The following ARAP2 variants were observed in gnomAD, a reference collection of about 807,000 sequenced individuals.
ARAP2 encodes the protein ArfGAP with RhoGAP domain, ankyrin repeat and PH domain 2.
Under a neutral mutation model 194.5 loss-of-function variants are expected in ARAP2, and 148 were observed. The observed-to-expected ratio is 0.76, with a 90% CI of 0.67 to 0.87. The LOEUF is 0.87. ARAP2 is among the 40% of genes least tolerant of loss of function. The probability of loss-of-function intolerance (pLI) is 0.00; values close to 1 mark genes in which losing one functional copy is unlikely to be tolerated. For synonymous variants in ARAP2, 695 were observed against 683.5 expected (o/e 1.02, Z -0.26); for missense variants, 2,128 against 1,989.7 (o/e 1.07, Z -1.32).
At chr4:36,117,339 GCAA>G (rs1415417703) in intron 24 of ARAP2, among the ~76,000 whole-genome samples, 1 of 151,636 alleles carries the variant, frequency 6.6e-6, no homozygotes, top group Non-Finnish European at 1.5e-5. Flanking sequence ...GTTATAATCA[GCAA>G]CAACAACCAC....
At chr4:36,148,130 A>G (rs746412274) in intron 17 of ARAP2, among the ~76,000 whole-genome samples, 2 of 152,190 alleles carry the variant, frequency 1.3e-5, no homozygotes, top group Non-Finnish European at 2.9e-5. Context: ...AGACTTATAC[A>G]GAAATGACTT....
rs113448787 is a variant in ARAP2, at chr4:36,072,456, C to G, written c.4743+1233G>C. ...TAGATACTGGTTAATGTATTTTGAT[C>G]CCAATAATTTATTTTGCTTTGCCGA... On this transcript the variant is annotated intron_variant, in intron 32 of 32. Transcript: ENST00000303965. 1.4e-3 allele frequency among the ~76,000 whole-genome samples: 219 copies of G among 151,930 alleles called. 1 individual carries two copies. The highest frequency in any genetic ancestry group is 5.0e-3 in the African/African-American group (208 of 41,432).
chr4:36,214,039 A>G (rs1747371351), intron 3 of ARAP2, among the ~76,000 whole-genome samples: 1 of 152,134 alleles, frequency 6.6e-6, no homozygotes, highest in African/African-American at 2.4e-5. Context: ...TCACTGTTCA[A>G]TTTGCCAGAG....
rs567796860 is a variant in ARAP2, at chr4:36,199,940, A to G, written c.1488-6293T>C. Among the ~76,000 whole-genome samples the G allele has an allele frequency of 3.9e-5, 6 of 152,330 alleles. No individual in the cohort carries two copies. The South Asian group carries it at 6.2e-4, about 16-fold the overall frequency. ...TAGGGATATCAAATCATCACACTGT[A>G]TACCTTAAACACATATAATCTTTGA... On this transcript the variant is annotated intron_variant, in intron 6 of 32. Coordinates refer to ENST00000303965, the MANE Select transcript of ARAP2 (RefSeq NM_015230.4).
chr4:36,215,136 C>T (rs1407404216), intron 2 of ARAP2, among the ~76,000 whole-genome samples: 3 of 152,034 alleles, frequency 2.0e-5, no homozygotes, highest in African/African-American at 7.2e-5. Context: ...GGAAAAATAA[C>T]TTTTAAAAAG....
intron 32 of ARAP2, among the ~76,000 whole-genome samples, chr4:36,072,410 A>T (rs1727201836): frequency 6.6e-6 from 1 of 152,130 alleles, no homozygotes; most frequent in African/African-American, 2.4e-5. Flanking sequence ...AAATTATTAT[A>T]CAGTCAATCA....
chr4:36,153,393 G>A (rs572900660), intron 15 of ARAP2, among the ~76,000 whole-genome samples: 11 of 152,142 alleles, frequency 7.2e-5, no homozygotes, highest in Non-Finnish European at 1.3e-4. Flanking sequence ...GAGAAATGTC[G>A]GTACCCTCCA....
At chr4:36,034,585 GCAAA>G (rs891885178) in intron 5 of ARAP2, among the ~76,000 whole-genome samples, 2 of 151,906 alleles carry the variant, frequency 1.3e-5, no homozygotes, top group Admixed American at 6.6e-5. Flanking sequence ...CATATTTCCT[GCAAA>G]CAAAGATCTT....
chr4:36,228,993 GA>G lies in ARAP2; in HGVS notation c.493del (p.Ser165LeufsTer2), dbSNP rs762723196. On this transcript the variant is annotated frameshift_variant, in exon 2 of 33. Coordinates refer to ENST00000303965, the MANE Select transcript of ARAP2 (RefSeq NM_015230.4). LOFTEE classifies it high-confidence loss of function. ...TAEEPHLNLG[S>X]LNDSLFGSDN... ...ACTACCAAATAAAGAATCATTCAAA[GA>G]ACCCAAATTCAGGTGTGGTTCCTCT... 3.1e-6 allele frequency: 5 copies of G among 1,614,052 alleles called. No individual in the cohort carries two copies. The highest frequency in any genetic ancestry group is 4.2e-6 in the Non-Finnish European group (5 of 1,180,004).
chr4:36,158,923 G>T (rs1733247318), intron 14 of ARAP2, 59 bp from the exon 15 acceptor site: 1 of 1,488,640 alleles, frequency 6.7e-7, no homozygotes, highest in Non-Finnish European at 9.1e-7. Context: ...TTTTCCTTTT[G>T]TTTATAATAT....
chr4:36,235,008 C>G (rs36008919), intron 1 of ARAP2, among the ~76,000 whole-genome samples: 2 of 152,168 alleles, frequency 1.3e-5, no homozygotes, highest in Non-Finnish European at 2.9e-5. Context: ...TTAGGAGTAC[C>G]TGCTACATGC....
chr4:36,108,535 A>G (rs1719025388), intron 26 of ARAP2, among the ~76,000 whole-genome samples: 1 of 152,014 alleles, frequency 6.6e-6, no homozygotes. Context: ...TGTCAATATT[A>G]TAGACTAACT....
chr4:36,212,792 C>A (rs555095378), intron 4 of ARAP2, among the ~76,000 whole-genome samples: 146 of 151,874 alleles, frequency 9.6e-4, no homozygotes, highest in African/African-American at 3.4e-3. Flanking sequence ...TGTCTTCCAA[C>A]TTCTCTTTTA....
chr4:36,223,164 C>A (rs759575344), intron 2 of ARAP2, among the ~76,000 whole-genome samples: 4 of 151,660 alleles, frequency 2.6e-5, no homozygotes, highest in Admixed American at 1.3e-4. Context: ...GCTTGATTTG[C>A]GGAGTTTCAA....
intron 12 of ARAP2, 24 bp from the exon 13 acceptor site, chr4:36,160,665 C>T: frequency 7.1e-7 from 1 of 1,402,664 alleles, no homozygotes; most frequent in South Asian, 1.9e-5. Context: ...AAAAAAACCC[C>T]ATAATATATC....
chr4:36,155,352 A>G (rs1732003611), intron 15 of ARAP2, among the ~76,000 whole-genome samples: 2 of 152,210 alleles, frequency 1.3e-5, no homozygotes, highest in African/African-American at 4.8e-5. Flanking sequence ...AAGGGCTGGC[A>G]GTGGGCTCAC....
intron 27 of ARAP2, among the ~76,000 whole-genome samples, chr4:36,095,862 T>C (rs1457324310): frequency 6.6e-6 from 1 of 152,166 alleles, no homozygotes; most frequent in African/African-American, 2.4e-5. Flanking sequence ...CATTATGCTG[T>C]CAGCTTCTGC....
Position 36,229,472 on chromosome 4 carries a change from A to G in ARAP2, c.15T>C (p.Ser5=). 1 of 1,608,488 alleles carries G rather than the reference A, an allele frequency of 6.2e-7. No individual in the cohort carries two copies. Among genetic ancestry groups the G allele is most frequent in the African/African-American group, 1.3e-5 (1 of 74,940 alleles). MSSV[S]EVNVDIKDFL... The stretch of plus-strand genomic sequence containing the variant: ...AATCTTTTATATCCACATTTACTTC[A>G]CTGACTGAGGACATAATGGTGGCTT... The change falls in exon 2 of 33, where the codon AGT becomes AGC. Residue 5 remains serine (S), a synonymous_variant. Transcript: ENST00000303965.
chr4:36,241,924 G>A (rs1323397115), intron 1 of ARAP2, among the ~76,000 whole-genome samples: 3 of 151,988 alleles, frequency 2.0e-5, no homozygotes, highest in African/African-American at 7.3e-5. Context: ...CTGCAGCATG[G>A]GTAAATAAGT....
Sources: gnomAD v4.1 joint callset for allele counts (sites outside exome capture counted in the v4.1 genomes callset) on GRCh38, gnomAD v4.1.1 for gene constraint, MANE v1.5 for transcripts, NCBI Gene and HGNC (gene_info 2026-07-23, HGNC 2026-07-21) for gene names.